The following ASMT variants were observed in gnomAD, a reference collection of about 807,000 sequenced individuals.
The protein encoded by ASMT is acetylserotonin O-methyltransferase.
Under a neutral mutation model 41.3 loss-of-function variants are expected in ASMT, and 53 were observed. The ratio of observed to expected loss-of-function variants is 1.28; its 90% CI spans 1.03 to 1.61. The LOEUF (loss-of-function observed/expected upper bound fraction) is 1.61. Among genes scored for constraint, ASMT ranks in the 40% most tolerant of loss-of-function variants. The pLI, the probability that ASMT is intolerant of heterozygous loss-of-function variation, is 0.00. For missense variants in ASMT, 531 were observed against 441.3 expected, an observed-to-expected ratio of 1.20 and a Z score of -1.82; for synonymous variants, 231 against 184.8, an observed-to-expected ratio of 1.25 and a Z score of -2.03.
rs780065102 is a variant in ASMT, at chrX:1,640,466, C to T, written c.911-2337C>T. Among the ~76,000 whole-genome samples the T allele has an allele frequency of 2.2e-3, 87 of 39,622 alleles. 1 individual carries two copies. In the South Asian group the frequency reaches 0.043, roughly 20 times the overall value. 26.0% of individuals were successfully genotyped at this position (39,622 alleles called of 152,430 possible). ...CAGCCTCTGTGTGTGAGATAGGGAC[C>T]ATGTCCCAGCTCTCCTGTGAGGTCC... is the stretch of plus-strand genomic sequence containing the variant. On this transcript the variant is annotated intron_variant, in intron 8 of 8. Coordinates refer to ENST00000381241, the MANE Select transcript of ASMT (RefSeq NM_001171038.2).
chrX:1,626,579 G>A (rs1257266516), intron 3 of ASMT, among the ~76,000 whole-genome samples: 1 of 152,122 alleles, frequency 6.6e-6, no homozygotes, highest in African/African-American at 2.4e-5. Flanking sequence ...GCCAGAGTCA[G>A]GTTGGAAAGT....
chrX:1,632,881 G>C, intron 6 of ASMT, 94 bp downstream of exon 6: 1 of 554,254 alleles, frequency 1.8e-6, no homozygotes, highest in Non-Finnish European at 3.3e-6. Context: ...GGCTGGGGGA[G>C]GGAGAGCACT....
At chrX:1,632,478 T>C (rs1263398024) in intron 5 of ASMT, among the ~76,000 whole-genome samples, 38 of 152,114 alleles carry the variant, frequency 2.5e-4, no homozygotes, top group African/African-American at 7.7e-4. Flanking sequence ...GGAGAAACCC[T>C]GTCTCTACTA....
chrX:1,636,324 T>C, intron 7 of ASMT, 114 bp from the exon 8 acceptor site: 1 of 1,494,916 alleles, frequency 6.7e-7, no homozygotes, highest in Non-Finnish European at 9.3e-7. Context: ...GTGACTAGCC[T>C]GGAAGACCTG....
At chrX:1,615,509 G>T (rs1449804570) in intron 1 of ASMT, among the ~76,000 whole-genome samples, 1 of 152,090 alleles carries the variant, frequency 6.6e-6, no homozygotes, top group Non-Finnish European at 1.5e-5. Flanking sequence ...ATCAATGTAT[G>T]TAAGTACATT....
Position 1,628,139 on chromosome X carries a change from G to A in ASMT, c.443+368G>A, listed in dbSNP as rs1569376540. On this transcript the variant is annotated intron_variant, in intron 4 of 8. Transcript: ENST00000381241. ...AGTTCGAGACCAGCCTGGCCAACAG[G>A]GTGAAACCCCGTCTCTACTAAAAAT... 3 of 303,330 alleles carry A rather than the reference G, an allele frequency of 9.9e-6. No homozygotes were observed. The South Asian group carries it at 1.1e-4, about 11-fold the overall frequency. The allele number at this position is 303,330 out of a possible 1,614,324, so 18.8% of individuals were successfully genotyped here. A position where few individuals can be genotyped will look rare whatever the true frequency, so the allele number is the denominator to read the frequency against.
At chrX:1,627,976 C>T (rs183987037) in intron 4 of ASMT, 53 of 639,068 alleles carry the variant, frequency 8.3e-5, no homozygotes, top group East Asian at 2.7e-4. Flanking sequence ...GGAGGTGCAA[C>T]GTGACCCTTC....
At chrX:1,619,886 T>C (rs1231077101) in intron 1 of ASMT, among the ~76,000 whole-genome samples, 7 of 150,160 alleles carry the variant, frequency 4.7e-5, no homozygotes, top group Non-Finnish European at 8.9e-5. Context: ...GGTCAGGAGA[T>C]TGAGACCATC....
In ASMT at chrX:1,642,354, T is replaced by A. The variant is rs1318331844; in HGVS notation, c.911-449T>A. 7.1e-5 allele frequency among the ~76,000 whole-genome samples: 10 copies of A among 141,166 alleles called. 1 individual carries two copies. The highest frequency in any genetic ancestry group is 1.4e-4 in the Non-Finnish European group (9 of 64,666). 92.6% of individuals were successfully genotyped at this position (141,166 alleles called of 152,430 possible). On this transcript the variant is annotated intron_variant, in intron 8 of 8. Coordinates refer to ENST00000381241, the MANE Select transcript of ASMT (RefSeq NM_001171038.2). ...GACATGGGCACAACCTCTGTGTGTA[T>A]AATGGGGACAGTGTCCCAGTGTCCT...
In ASMT at chrX:1,636,101, A is replaced by G. The variant is rs1318550568; in HGVS notation, c.788-337A>G. 6.2e-4 allele frequency: 223 copies of G among 357,950 alleles called. 2 individuals are homozygous for G. Among genetic ancestry groups the G allele is most frequent in the African/African-American group, 2.8e-3 (131 of 46,786 alleles). 22.2% of individuals were successfully genotyped at this position (357,950 alleles called of 1,614,324 possible). ...CTCCCGAGTAGCTGGGACCACAGGC[A>G]CCCGCCATCACGCCCGGCTAATTTT... On this transcript the variant is annotated intron_variant, in intron 7 of 8. Coordinates refer to ENST00000381241, the MANE Select transcript of ASMT (RefSeq NM_001171038.2).
rs1934033886 is a variant in ASMT at position 1,615,214 on chromosome X, G to C, written c.15G>C (p.Glu5Asp). 2 of 1,596,866 alleles carry C rather than the reference G, an allele frequency of 1.3e-6. No homozygotes were observed. Among genetic ancestry groups the C allele is most frequent in the Non-Finnish European group, 8.5e-7 (1 of 1,171,902 alleles). The change falls in exon 1 of 9, where the codon GAG becomes GAC. Residue 5 changes from glutamate (E) to aspartate (D), a missense_variant. Coordinates refer to ENST00000381241, the MANE Select transcript of ASMT (RefSeq NM_001171038.2). MGSS[E>D]DQAYRLLNDY... ...TTGGAGACAAGATGGGATCCTCAGAGGACCAGGCCTATCGCCTCCTTAATG... is the reference window on the plus strand; with the variant it reads ...TTGGAGACAAGATGGGATCCTCAGACGACCAGGCCTATCGCCTCCTTAATG...
chrX:1,636,639 A>G, intron 8 of ASMT, 79 bp downstream of exon 8: 2 of 1,609,192 alleles, frequency 1.2e-6, no homozygotes, highest in African/African-American at 1.3e-5. Flanking sequence ...GAAGGCAGGC[A>G]CTGAAATCAT....
intron 8 of ASMT, among the ~76,000 whole-genome samples, chrX:1,637,180 C>T (rs779646787): frequency 1.5e-5 from 1 of 65,824 alleles, no homozygotes; most frequent in African/African-American, 7.7e-5. Flanking sequence ...GGGACAGTGT[C>T]CCAGTGTCCT....
At chrX:1,623,619 G>A (rs1317786898) in intron 2 of ASMT, among the ~76,000 whole-genome samples, 1 of 152,124 alleles carries the variant, frequency 6.6e-6, no homozygotes, top group African/African-American at 2.4e-5. Context: ...TTTGGGGGTC[G>A]TGTGGTTTTT....
At chrX:1,633,125 T>C (rs1162794937) in intron 6 of ASMT, 25 bp from the exon 7 acceptor site, 1 of 1,613,756 alleles carries the variant, frequency 6.2e-7, no homozygotes, top group Admixed American at 1.7e-5. Context: ...TCTCTGAGGG[T>C]CAAACGGGCT....
intron 8 of ASMT, among the ~76,000 whole-genome samples, chrX:1,637,132 G>GGCA (rs1935017386): frequency 1.4e-4 from 16 of 111,050 alleles, no homozygotes; most frequent in Non-Finnish European, 2.3e-4. Flanking sequence ...CCATCCTGAT[G>GGCA]CTTCACGAGG....
Position 1,633,590 on chromosome X carries a change from C to T in ASMT, c.787+300C>T, listed in dbSNP as rs186309434. ...TCCTGGGTTCAAGCAATTCTCCTGC[C>T]TCAGCCTCCCAAGTAGCTGGGATTA... is the stretch of plus-strand genomic sequence containing the variant. On this transcript the variant is annotated intron_variant, in intron 7 of 8. Transcript: ENST00000381241. Among the ~76,000 whole-genome samples the T allele has an allele frequency of 7.2e-3, 1,095 of 152,014 alleles. 7 individuals are homozygous for T. The highest frequency in any genetic ancestry group is 0.012 in the South Asian group (57 of 4,806).
At chrX:1,618,777 G>C (rs1266118083) in intron 1 of ASMT, among the ~76,000 whole-genome samples, 3 of 152,218 alleles carry the variant, frequency 2.0e-5, no homozygotes, top group Admixed American at 6.6e-5. Context: ...TTCTGTTACT[G>C]TCCCAGACAA....
At chrX:1,634,518 T>G (rs1354885768) in intron 7 of ASMT, among the ~76,000 whole-genome samples, 3 of 152,322 alleles carry the variant, frequency 2.0e-5, no homozygotes, top group African/African-American at 7.2e-5. Context: ...CAAACTATCC[T>G]GGGTGGCCCA....
Sources: gnomAD v4.1 joint callset for allele counts (sites outside exome capture counted in the v4.1 genomes callset) on GRCh38, gnomAD v4.1.1 for gene constraint, MANE v1.5 for transcripts, NCBI Gene and HGNC (gene_info 2026-07-23, HGNC 2026-07-21) for gene names.